TPH2: variants seen among roughly 807,000 people sequenced by gnomAD.
TPH2 encodes tryptophan 5-hydroxylase 2.
Under a neutral mutation model 59.1 loss-of-function variants are expected in TPH2, and 27 were observed. That is an observed-to-expected ratio of 0.46 (90% CI 0.34 to 0.63). The LOEUF (loss-of-function observed/expected upper bound fraction) is 0.63. Among genes scored for constraint, TPH2 ranks in the 30% least tolerant of loss-of-function variants. The probability of loss-of-function intolerance (pLI) is 0.01; values close to 1 mark genes in which losing one functional copy is unlikely to be tolerated. For missense variants in TPH2, 523 were observed against 588.3 expected (o/e 0.89, Z 1.15); for synonymous variants, 220 against 210.5 (o/e 1.05, Z -0.39).
intron 5 of TPH2, among the ~76,000 whole-genome samples, chr12:71,967,835 G>A (rs986644845): frequency 6.6e-6 from 1 of 152,152 alleles, no homozygotes; most frequent in South Asian, 2.1e-4. Flanking sequence ...TCAATTATTA[G>A]TATAGTCTCA....
At chr12:71,939,161 G>A in intron 1 of TPH2, 70 bp downstream of exon 1, 3 of 1,190,396 alleles carry the variant, frequency 2.5e-6, no homozygotes, top group Admixed American at 3.7e-5. Flanking sequence ...CTCACCATAT[G>A]AATCCCTTTT....
chr12:72,014,867 A>G (rs1873199055), intron 8 of TPH2, among the ~76,000 whole-genome samples: 1 of 152,154 alleles, frequency 6.6e-6, no homozygotes, highest in Non-Finnish European at 1.5e-5. Context: ...CGATGTTGGG[A>G]TAGATATTTC....
intron 5 of TPH2, among the ~76,000 whole-genome samples, chr12:71,955,233 C>T (rs1406495949): frequency 6.6e-6 from 1 of 152,076 alleles, no homozygotes. Flanking sequence ...TCAAATCATC[C>T]CTTAACATTG....
Position 72,031,553 on chromosome 12 carries a change from C to G in TPH2, c.1331C>G (p.Ser444Ter). Residue 444 changes from serine to a stop codon, truncating the protein, a stop_gained, in exon 11 of 11, where the codon TCA (serine) becomes TGA (stop). Transcript: ENST00000333850. LOFTEE classifies it high-confidence loss of function. ...GCAAAGTCAATTACCCGTCCCTTCT[C>G]AGTATACTTCAATCCCTACACACAG... ...DFAKSITRPFSVYFNPYTQSI... is the reference protein window; with the variant it reads ...DFAKSITRPF The G allele has an allele frequency of 1.9e-6, 3 of 1,613,642 alleles. No homozygotes were observed. Among genetic ancestry groups the G allele is most frequent in the Non-Finnish European group, 2.5e-6 (3 of 1,179,686 alleles).
chr12:71,972,082 T>C (rs1871987736), intron 5 of TPH2, among the ~76,000 whole-genome samples: 1 of 152,186 alleles, frequency 6.6e-6, no homozygotes, highest in Non-Finnish European at 1.5e-5. Context: ...CACTTGAAGA[T>C]TGGAGTGAGT....
chr12:71,982,015 A>ATTTTTTTTT lies in TPH2; in HGVS notation c.941+2937_941+2945dup, dbSNP rs781612841. Among the ~76,000 whole-genome samples the ATTTTTTTTT allele has an allele frequency of 5.6e-4, 34 of 60,494 alleles. 6 individuals carry two copies. The highest frequency in any genetic ancestry group is 9.8e-3 in the Middle Eastern group (1 of 102). The allele number at this position is 60,494 out of a possible 152,430, so 39.7% of individuals were successfully genotyped here. On this transcript the variant is annotated intron_variant, in intron 7 of 10. Coordinates refer to ENST00000333850, the MANE Select transcript of TPH2 (RefSeq NM_173353.4). ...TTTTTGTGGGTTTCATATCATTCGT[A>ATTTTTTTTT]TTTTTTTTTTTTTTTTTAGACAGAG...
Position 71,998,934 on chromosome 12 carries a change from T to C in TPH2, c.1068+4369T>C, listed in dbSNP as rs114797900. 7.9e-3 allele frequency among the ~76,000 whole-genome samples: 1,206 copies of C among 152,306 alleles called. 17 individuals are homozygous for C. The highest frequency in any genetic ancestry group is 0.028 in the African/African-American group (1,144 of 41,562). ...AGGTGAGATTTATATTATTAATGAC[T>C]CTTTTTCTATAGTGCCTGCTTTTCC... On this transcript the variant is annotated intron_variant, in intron 8 of 10. Coordinates refer to ENST00000333850, the MANE Select transcript of TPH2 (RefSeq NM_173353.4).
chr12:72,029,919 G>A (rs1161329266), intron 9 of TPH2, among the ~76,000 whole-genome samples: 4 of 152,160 alleles, frequency 2.6e-5, no homozygotes, highest in Admixed American at 6.6e-5. Flanking sequence ...ATATTGAACA[G>A]GAAAGGGTTT....
chr12:71,970,583 C>T (rs1871945521), intron 5 of TPH2, among the ~76,000 whole-genome samples: 2 of 152,192 alleles, frequency 1.3e-5, no homozygotes, highest in South Asian at 4.1e-4. Context: ...CATGCACAGC[C>T]CTTATTAGCT....
At chr12:72,030,811 CCCAATTA>C (rs577071345) in intron 9 of TPH2, among the ~76,000 whole-genome samples, 4 of 152,032 alleles carry the variant, frequency 2.6e-5, no homozygotes, top group Admixed American at 1.3e-4. Context: ...TAGTCAGAGC[CCCAATTA>C]CCTCTCCATG....
At chr12:72,016,512 C>A (rs1487275) in intron 8 of TPH2, among the ~76,000 whole-genome samples, 107,013 of 151,816 alleles carry the variant, frequency 0.7, 37,837 homozygotes, top group African/African-American at 0.73. Flanking sequence ...GAAGTACACC[C>A]AATTTAGCCT....
chr12:72,013,823 C>T (rs543925787), intron 8 of TPH2, among the ~76,000 whole-genome samples: 1 of 152,134 alleles, frequency 6.6e-6, no homozygotes, highest in Non-Finnish European at 1.5e-5. Context: ...ACCTACTGAT[C>T]GCTATGGACC....
At chr12:72,011,807 C>T (rs1248087667) in intron 8 of TPH2, among the ~76,000 whole-genome samples, 1 of 152,138 alleles carries the variant, frequency 6.6e-6, no homozygotes, top group Non-Finnish European at 1.5e-5. Flanking sequence ...CTCCAAAAGG[C>T]CTGTGGTGTC....
chr12:71,981,358 C>A, intron 7 of TPH2, among the ~76,000 whole-genome samples: 1 of 152,134 alleles, frequency 6.6e-6, no homozygotes, highest in East Asian at 1.9e-4. Flanking sequence ...CAACAGGGAG[C>A]TATCCAAGGT....
chr12:72,001,915 G>C (rs1872833105), intron 8 of TPH2, among the ~76,000 whole-genome samples: 1 of 151,986 alleles, frequency 6.6e-6, no homozygotes, highest in South Asian at 2.1e-4. Flanking sequence ...TATAAAAAAA[G>C]TGAACTTGGG....
At chr12:71,948,777 A>G (rs1049197388) in intron 4 of TPH2, among the ~76,000 whole-genome samples, 3 of 152,242 alleles carry the variant, frequency 2.0e-5, no homozygotes, top group Non-Finnish European at 4.4e-5. Flanking sequence ...TCCAACAGCT[A>G]GAAGAAACAA....
At chr12:72,000,561 G>A (rs1370933436) in intron 8 of TPH2, among the ~76,000 whole-genome samples, 1 of 152,174 alleles carries the variant, frequency 6.6e-6, no homozygotes, top group Non-Finnish European at 1.5e-5. Context: ...TCAGTAGCAG[G>A]AATGGTGGGT....
chr12:71,947,261 G>A (rs1871221063), intron 4 of TPH2, among the ~76,000 whole-genome samples: 1 of 152,056 alleles, frequency 6.6e-6, no homozygotes, highest in Admixed American at 6.6e-5. Flanking sequence ...TGGGAATGTG[G>A]CCAGGTTTGA....
chr12:71,994,638 T>G, intron 8 of TPH2, 73 bp downstream of exon 8: 2 of 1,568,268 alleles, frequency 1.3e-6, no homozygotes, highest in South Asian at 2.2e-5. Flanking sequence ...TCAGGATTAT[T>G]GACTATGAGT....
Sources: gnomAD v4.1 joint callset for allele counts (sites outside exome capture counted in the v4.1 genomes callset) on GRCh38, gnomAD v4.1.1 for gene constraint, MANE v1.5 for transcripts, NCBI Gene and HGNC (gene_info 2026-07-23, HGNC 2026-07-21) for gene names.